Variants in TAF1 observed in about 807,000 individuals in gnomAD.
TAF1 encodes TATA-box binding protein associated factor 1, also known as transcription initiation factor TFIID subunit 1.
Under a neutral mutation model 138.5 loss-of-function variants are expected in TAF1, and 2 were observed. The ratio of observed to expected loss-of-function variants is 0.01; its 90% CI spans 0.01 to 0.05. The LOEUF (loss-of-function observed/expected upper bound fraction) is 0.05, where lower values mean the gene tolerates loss of function less well. Among genes scored for constraint, TAF1 ranks in the 10% least tolerant of loss-of-function variants. The pLI, the probability that TAF1 is intolerant of heterozygous loss-of-function variation, is 1.00. For synonymous variants in TAF1, 437 were observed against 503.2 expected (o/e 0.87, Z 1.76); for missense variants, 709 against 1,478.0 (o/e 0.48, Z 8.53).
chrX:71,423,444 G>A (rs1374653276), intron 30 of TAF1, among the ~76,000 whole-genome samples: 1 of 110,357 alleles, frequency 9.1e-6, no homozygotes, highest in East Asian at 2.8e-4. Context: ...AAATCAAAGA[G>A]GCCAGGAATC....
intron 13 of TAF1, among the ~76,000 whole-genome samples, chrX:71,515,011 A>G (rs2039801452): frequency 1.8e-5 from 2 of 112,006 alleles, no homozygotes; most frequent in African/African-American, 6.5e-5. Context: ...CTTGTGCACT[A>G]AACCAAATGA....
At chrX:71,462,106 TAAAG>T (rs1463335065) in intron 37 of TAF1, among the ~76,000 whole-genome samples, 1 of 111,122 alleles carries the variant, frequency 9.0e-6, no homozygotes, top group African/African-American at 3.3e-5. Flanking sequence ...AGAAATGACT[TAAAG>T]AGGTAGGTAA....
intron 3 of TAF1, among the ~76,000 whole-genome samples, chrX:71,373,863 G>A (rs948145338): frequency 1.8e-5 from 2 of 110,586 alleles, no homozygotes; most frequent in Non-Finnish European, 3.8e-5. Flanking sequence ...AACTGCAGAT[G>A]ACAGATAGAA....
At chrX:71,480,768 G>T (rs1343821694) in intron 13 of TAF1, among the ~76,000 whole-genome samples, 2 of 111,682 alleles carry the variant, frequency 1.8e-5, no homozygotes. Flanking sequence ...TTTAGATAAG[G>T]TGATCAGGAA....
chrX:71,391,004 AAAAG>A (rs1349659396), intron 18 of TAF1, among the ~76,000 whole-genome samples: 37 of 110,438 alleles, frequency 3.4e-4, no homozygotes, highest in Non-Finnish European at 5.9e-4. Context: ...TCAAAAAAAA[AAAAG>A]AAAGAAAGAA....
intron 32 of TAF1, among the ~76,000 whole-genome samples, chrX:71,426,624 A>G (rs1021122914): frequency 9.1e-6 from 1 of 109,880 alleles, no homozygotes; most frequent in South Asian, 3.9e-4. Context: ...CTGAGGCAGG[A>G]GAATCGCTTG....
chrX:71,388,564 T>G, intron 16 of TAF1, 174 bp from the exon 17 acceptor site: 1 of 905,625 alleles, frequency 1.1e-6, no homozygotes, highest in Non-Finnish European at 1.5e-6. Flanking sequence ...ATGTGATTGT[T>G]GGATATCTTC....
At chrX:71,443,715 G>A (rs1871048062) in intron 32 of TAF1, among the ~76,000 whole-genome samples, 1 of 110,773 alleles carries the variant, frequency 9.0e-6, no homozygotes, top group African/African-American at 3.3e-5. Context: ...TTTTTTGTTT[G>A]TTTTGTTTTG....
rs1239462813 is a variant in TAF1, at chrX:71,368,252, C to T, written c.352+82C>T. On this transcript the variant is annotated intron_variant, in intron 3 of 37. Transcript: ENST00000423759. ...CAGTTTGGGCTCTGGTTTCTATACC[C>T]GCTGTCTGCCATTGTTTCTGCTCTC... 5.2e-6 allele frequency: 5 copies of T among 964,692 alleles called. No homozygotes were observed. In the African/African-American group the frequency reaches 7.7e-5, roughly 15 times the overall value. 79.5% of individuals were successfully genotyped at this position (964,692 alleles called of 1,213,427 possible).
downstream of TAF1, among the ~76,000 whole-genome samples, chrX:71,469,881 A>G (rs2038849735): frequency 9.0e-6 from 1 of 110,700 alleles, no homozygotes; most frequent in Admixed American, 9.7e-5. Context: ...TTGTATTTCT[A>G]GTAGAGATGG....
chrX:71,456,843 T>A (rs986402938), intron 34 of TAF1, among the ~76,000 whole-genome samples: 6 of 108,521 alleles, frequency 5.5e-5, no homozygotes, highest in African/African-American at 2.0e-4. Flanking sequence ...GCCTGGCTAA[T>A]TTTGTATTTT....
chrX:71,525,190 C>T (rs1427267398), intron 13 of TAF1, among the ~76,000 whole-genome samples: 1 of 109,084 alleles, frequency 9.2e-6, no homozygotes, highest in Non-Finnish European at 1.9e-5. Context: ...TACAGGCACC[C>T]GCCACCACAC....
At chrX:71,401,818 G>A (rs1392222534) in intron 25 of TAF1, 79 bp downstream of exon 25, 1 of 952,323 alleles carries the variant, frequency 1.1e-6, no homozygotes, top group Admixed American at 2.3e-5. Flanking sequence ...AGGGGTAGAT[G>A]TGATGTGTTC....
rs1174447128 is a variant in TAF1 at position 71,389,655 on chromosome X, T to C, written c.2771T>C (p.Ile924Thr). The change falls in exon 18 of 38, where the codon ATT (isoleucine) becomes ACT (threonine). Residue 924 changes from isoleucine to threonine, a missense_variant. By Grantham distance (89) the Ile-to-Thr change is moderately conservative. This residue lies in a region of TAF1 where 31 missense variants were observed against 140.4 expected (regional missense o/e 0.22). Coordinates refer to ENST00000423759, the MANE Select transcript of TAF1 (RefSeq NM_004606.5). ...EENEEDFQMKIDDEVRTAPWN... is the reference protein window; with the variant it reads ...EENEEDFQMKTDDEVRTAPWN... Reference sequence around the variant, plus strand: ...AATGAGGAAGATTTCCAGATGAAGATTGATGATGAAGTAAGGCTTTATACT... The same window carrying C: ...AATGAGGAAGATTTCCAGATGAAGACTGATGATGAAGTAAGGCTTTATACT... 1.7e-6 allele frequency: 2 copies of C among 1,200,023 alleles called. No homozygotes were observed. Among genetic ancestry groups the C allele is most frequent in the African/African-American group, 1.8e-5 (1 of 56,810 alleles).
rs925348346 is a variant in TAF1 at position 71,378,344 on chromosome X, G to A, written c.1043G>A (p.Arg348Gln). Residue 348 changes from arginine (R) to glutamine (Q), a missense_variant, in exon 7 of 38, where the codon CGA (arginine) becomes CAA (glutamine). Physicochemically the swap from Arg to Gln is conservative, Grantham distance 43. Coordinates refer to ENST00000423759, the MANE Select transcript of TAF1 (RefSeq NM_004606.5). ...GCTGAGTGGCGTTATGGGCCTGCCC[G>A]ACTGTGGTATGATATGCTGGGTGTC... ...RVAEWRYGPA[R>Q]LWYDMLGVPE... 7 of 1,211,964 alleles carry A rather than the reference G, an allele frequency of 5.8e-6. No individual in the cohort carries two copies. Among genetic ancestry groups the A allele is most frequent in the East Asian group, 3.0e-5 (1 of 33,854 alleles).
Position 71,454,571 on chromosome X carries a change from C to T in TAF1, c.4822-170C>T, listed in dbSNP as rs147794636. 3.7e-3 allele frequency among the ~76,000 whole-genome samples: 417 copies of T among 111,595 alleles called. 3 individuals carry two copies. Among genetic ancestry groups the T allele is most frequent in the African/African-American group, 0.013 (394 of 30,713 alleles). The stretch of plus-strand genomic sequence containing the variant: ...TTAAAATGTAGTATTCCCTACCCCC[C>T]AACTCCGCATCCCCTGTTTCCTTCC... On this transcript the variant is annotated intron_variant, in intron 33 of 37. Transcript: ENST00000423759.
intron 13 of TAF1, among the ~76,000 whole-genome samples, chrX:71,482,549 G>A (rs753870852): frequency 1.8e-5 from 2 of 112,279 alleles, no homozygotes; most frequent in East Asian, 5.5e-4. Flanking sequence ...ACACTATATT[G>A]TAGTCTATTA....
At chrX:71,366,519 G>T (rs1234612663) in intron 1 of TAF1, 25 bp downstream of exon 1, 5 of 936,462 alleles carry the variant, frequency 5.3e-6, no homozygotes, top group Non-Finnish European at 7.2e-6. Context: ...GTGGGGGTAG[G>T]GCTCGGGGGG....
intron 34 of TAF1, among the ~76,000 whole-genome samples, chrX:71,457,824 C>T (rs1045542985): frequency 8.9e-6 from 1 of 112,503 alleles, no homozygotes. Flanking sequence ...CATAAACTAT[C>T]AAAGCATTCT....
Sources: allele counts gnomAD v4.1 joint callset (sites outside exome capture counted in the v4.1 genomes callset), GRCh38; gene constraint gnomAD v4.1.1; regional missense constraint gnomAD v4.1.1; transcripts MANE v1.5; gene names NCBI Gene and HGNC (gene_info 2026-07-23, HGNC 2026-07-21).